The following CADPS2 variants were observed in gnomAD, a reference collection of about 807,000 sequenced individuals.
The protein encoded by CADPS2 is calcium-dependent secretion activator 2.
Under a neutral mutation model 172.5 loss-of-function variants are expected in CADPS2, and 93 were observed. The ratio of observed to expected loss-of-function variants is 0.54; its 90% CI spans 0.46 to 0.64. CADPS2 has a LOEUF of 0.64. Among genes scored for constraint, CADPS2 ranks in the 30% least tolerant of loss-of-function variants. The pLI is 0.00. For missense variants in CADPS2, 1,420 were observed against 1,565.9 expected (o/e 0.91, Z 1.57); for synonymous variants, 546 against 555.2 (o/e 0.98, Z 0.23).
chr7:122,749,739 C>T (rs1169955641), intron 1 of CADPS2, among the ~76,000 whole-genome samples: 1 of 151,996 alleles, frequency 6.6e-6, no homozygotes, highest in Non-Finnish European at 1.5e-5. Context: ...AACTTCAATA[C>T]ATCATTGTTA....
In CADPS2 at chr7:122,642,324, C is replaced by G. The variant is rs151293157; in HGVS notation, c.787-12996G>C. 6.6e-5 allele frequency among the ~76,000 whole-genome samples: 10 copies of G among 151,136 alleles called. No homozygotes were observed. In the East Asian group the frequency reaches 1.9e-3, roughly 29 times the overall value. On this transcript the variant is annotated intron_variant, in intron 3 of 29. Transcript: ENST00000449022. Reference sequence around the variant, plus strand: ...GAAATTAATGACCTAATGTAACAGTCTATTAGTCTTGCCTTACAAATATCA... The same window carrying G: ...GAAATTAATGACCTAATGTAACAGTGTATTAGTCTTGCCTTACAAATATCA...
At chr7:122,619,361 C>T (rs1360330656) in intron 5 of CADPS2, among the ~76,000 whole-genome samples, 4 of 151,056 alleles carry the variant, frequency 2.6e-5, no homozygotes, top group African/African-American at 9.8e-5. Flanking sequence ...CACGGTGTCT[C>T]AAGCCTGTAA....
intron 28 of CADPS2, among the ~76,000 whole-genome samples, chr7:122,344,983 G>A (rs2037344933): frequency 6.6e-6 from 1 of 152,036 alleles, no homozygotes; most frequent in Admixed American, 6.6e-5. Flanking sequence ...ATGAACTGAT[G>A]GCAAGAATGG....
chr7:122,645,489 T>C (rs2078354885), intron 3 of CADPS2, among the ~76,000 whole-genome samples: 1 of 84,850 alleles, frequency 1.2e-5, no homozygotes, highest in Admixed American at 1.4e-4. Context: ...ATATTTAGCG[T>C]ATATATATAT....
At chr7:122,403,698 AAAAT>A (rs768952700) in intron 20 of CADPS2, among the ~76,000 whole-genome samples, 19 of 152,178 alleles carry the variant, frequency 1.2e-4, no homozygotes, top group Admixed American at 2.6e-4. Context: ...CCTCTTCTTA[AAAAT>A]AAATATGAAA....
chr7:122,827,330 T>C (rs1160807198), intron 1 of CADPS2, among the ~76,000 whole-genome samples: 2 of 152,096 alleles, frequency 1.3e-5, no homozygotes, highest in Admixed American at 6.6e-5. Flanking sequence ...CCCTAGATGG[T>C]TTCAAAGAAA....
chr7:122,553,035 T>A (rs60730410), intron 8 of CADPS2, among the ~76,000 whole-genome samples: 29,371 of 151,974 alleles, frequency 0.19, 3,034 homozygotes, highest in East Asian at 0.34. Context: ...GTAGCTGGAA[T>A]GCCAGTTCTC....
At chr7:122,369,395 T>G (rs1422947408) in intron 25 of CADPS2, among the ~76,000 whole-genome samples, 1 of 152,092 alleles carries the variant, frequency 6.6e-6, no homozygotes, top group Non-Finnish European at 1.5e-5. Flanking sequence ...CCTCCCAAAG[T>G]GCTGGGATTA....
chr7:122,374,635 C>A (rs904315888), intron 25 of CADPS2, among the ~76,000 whole-genome samples: 62 of 152,012 alleles, frequency 4.1e-4, no homozygotes, highest in African/African-American at 1.5e-3. Context: ...ATCAGAAAAC[C>A]AAACACCGCA....
Position 122,469,758 on chromosome 7 carries a change from T to C in CADPS2, c.2186+1617A>G, listed in dbSNP as rs535822950. ...ACTGTTTTAGGTACGTGGAGGATAATAGGTGAATGAGAACTGATTTTTGCC... is the reference window on the plus strand; with the variant it reads ...ACTGTTTTAGGTACGTGGAGGATAACAGGTGAATGAGAACTGATTTTTGCC... On this transcript the variant is annotated intron_variant, in intron 14 of 29. Transcript: ENST00000449022. 4.0e-5 allele frequency among the ~76,000 whole-genome samples: 6 copies of C among 149,908 alleles called. 1 individual carries two copies. In the South Asian group the frequency reaches 6.4e-4, roughly 16 times the overall value.
chr7:122,550,854 T>C (rs750124608), intron 8 of CADPS2, among the ~76,000 whole-genome samples: 4 of 152,144 alleles, frequency 2.6e-5, no homozygotes, highest in Non-Finnish European at 4.4e-5. Flanking sequence ...ATTTGTTCAA[T>C]AGATTTATCT....
Position 122,414,082 on chromosome 7 carries a change from G to A in CADPS2, c.2581-6C>T, listed in dbSNP as rs1482559296. The A allele has an allele frequency of 3.3e-6, 5 of 1,530,536 alleles. No homozygotes were observed. Among genetic ancestry groups the A allele is most frequent in the Admixed American group, 2.3e-5 (1 of 44,434 alleles). 94.8% of individuals were successfully genotyped at this position (1,530,536 alleles called of 1,614,324 possible). The stretch of plus-strand genomic sequence containing the variant: ...ATTTTACTCACCTCTCTTCCCTGAG[G>A]GTTTCCAAGAATTTGGAAGCATTGC... On this transcript the variant is annotated splice_polypyrimidine_tract_variant and splice_region_variant and intron_variant, in intron 18 of 29. Coordinates refer to ENST00000449022, the MANE Select transcript of CADPS2 (RefSeq NM_017954.11).
chr7:122,560,515 C>G (rs1223859553), intron 7 of CADPS2, among the ~76,000 whole-genome samples: 1 of 152,118 alleles, frequency 6.6e-6, no homozygotes, highest in Non-Finnish European at 1.5e-5. Context: ...TTCTCATATC[C>G]AACTAAGTGA....
At chr7:122,819,700 T>G (rs1342638215) in intron 1 of CADPS2, among the ~76,000 whole-genome samples, 2 of 152,110 alleles carry the variant, frequency 1.3e-5, no homozygotes, top group South Asian at 2.1e-4. Context: ...ACACTTTAAC[T>G]AAATTATCTG....
intron 1 of CADPS2, among the ~76,000 whole-genome samples, chr7:122,756,667 AG>A (rs2093173426): frequency 6.6e-6 from 1 of 152,148 alleles, no homozygotes; most frequent in Non-Finnish European, 1.5e-5. Context: ...GAGAGGTGGC[AG>A]TGGGTGCATC....
chr7:122,836,894 C>A (rs1251321819), intron 1 of CADPS2, among the ~76,000 whole-genome samples: 1 of 151,996 alleles, frequency 6.6e-6, no homozygotes, highest in Admixed American at 6.6e-5. Context: ...ACAAGGATAT[C>A]CAGGAATTGA....
chr7:122,589,130 G>A (rs2070301621), intron 6 of CADPS2, among the ~76,000 whole-genome samples: 1 of 151,902 alleles, frequency 6.6e-6, no homozygotes, highest in Non-Finnish European at 1.5e-5. Flanking sequence ...GCACATAATG[G>A]CCACATATAC....
chr7:122,776,225 A>C (rs1354579121), intron 1 of CADPS2, among the ~76,000 whole-genome samples: 1 of 152,116 alleles, frequency 6.6e-6, no homozygotes, highest in African/African-American at 2.4e-5. Context: ...CATGATAGTG[A>C]ATAAATCTCA....
chr7:122,430,472 G>A (rs2049759937), intron 17 of CADPS2, among the ~76,000 whole-genome samples: 1 of 152,028 alleles, frequency 6.6e-6, no homozygotes, highest in African/African-American at 2.4e-5. Context: ...CATCAACAAG[G>A]CACATGATTT....
Sources: gnomAD v4.1 joint callset for allele counts (sites outside exome capture counted in the v4.1 genomes callset) on GRCh38, gnomAD v4.1.1 for gene constraint, MANE v1.5 for transcripts, NCBI Gene and HGNC (gene_info 2026-07-23, HGNC 2026-07-21) for gene names.